Variants in GRM5 observed in about 807,000 individuals in gnomAD.
The protein encoded by GRM5 is glutamate metabotropic receptor 5.
In GRM5, 19 loss-of-function variants were observed where a neutral mutation model predicts 83.1. The observed-to-expected ratio is 0.23, with a 90% CI of 0.16 to 0.34. GRM5 has a LOEUF of 0.34. GRM5 is among the 10% of genes least tolerant of loss of function. GRM5 has a pLI of 1.00. For missense variants in GRM5, 1,160 were observed against 1,588.3 expected, an observed-to-expected ratio of 0.73 and a Z score of 4.58; for synonymous variants, 675 against 633.6, an observed-to-expected ratio of 1.07 and a Z score of -0.98.
At chr11:89,033,453 T>C (rs1941311878) in intron 2 of GRM5, among the ~76,000 whole-genome samples, 1 of 151,990 alleles carries the variant, frequency 6.6e-6, no homozygotes, top group South Asian at 2.1e-4. Flanking sequence ...TTGCCTATGA[T>C]TAGAAATTGT....
chr11:88,904,558 T>C (rs1945372131), intron 2 of GRM5, among the ~76,000 whole-genome samples: 1 of 152,188 alleles, frequency 6.6e-6, no homozygotes, highest in Non-Finnish European at 1.5e-5. Context: ...ACACTGGAAA[T>C]AGCTTTAGCT....
chr11:88,866,367 C>T (rs986905469), intron 2 of GRM5, among the ~76,000 whole-genome samples: 1 of 151,970 alleles, frequency 6.6e-6, no homozygotes, highest in African/African-American at 2.4e-5. Context: ...AACACATAGA[C>T]ACAGGGAGGG....
At chr11:88,711,418 G>C (rs990002910) in intron 3 of GRM5, among the ~76,000 whole-genome samples, 1 of 152,076 alleles carries the variant, frequency 6.6e-6, no homozygotes, top group Non-Finnish European at 1.5e-5. Flanking sequence ...TGGGTCTGGA[G>C]GAACAAATGA....
At chr11:88,963,747 G>A (rs1053326330) in intron 2 of GRM5, among the ~76,000 whole-genome samples, 11 of 152,058 alleles carry the variant, frequency 7.2e-5, no homozygotes, top group African/African-American at 1.2e-4. Flanking sequence ...ACTGTTTCAC[G>A]AAACGAATAT....
At chr11:88,833,885 A>T (rs1482674205) in intron 3 of GRM5, among the ~76,000 whole-genome samples, 1 of 152,158 alleles carries the variant, frequency 6.6e-6, no homozygotes, top group South Asian at 2.1e-4. Context: ...CAAATATTAC[A>T]TGTTCTCACT....
chr11:89,062,511 A>G (rs1401832553), intron 1 of GRM5, among the ~76,000 whole-genome samples: 1 of 152,258 alleles, frequency 6.6e-6, no homozygotes, highest in Non-Finnish European at 1.5e-5. Context: ...GAAGAAGGTG[A>G]AAAGGAGAAG....
intron 9 of GRM5, chr11:88,522,748 A>T (rs1941737375): frequency 6.6e-6 from 1 of 151,988 alleles, no homozygotes; most frequent in Non-Finnish European, 1.5e-5. Flanking sequence ...GAGGTGGATG[A>T]TCTAACACAA....
intron 3 of GRM5, among the ~76,000 whole-genome samples, chr11:88,669,270 G>A (rs1846444): frequency 0.19 from 28,239 of 151,916 alleles, 5,196 homozygotes; most frequent in African/African-American, 0.47. Context: ...TAAAGAAAAC[G>A]TGACAAATTC....
chr11:89,028,240 C>G (rs1257198287), intron 2 of GRM5, among the ~76,000 whole-genome samples: 1 of 152,144 alleles, frequency 6.6e-6, no homozygotes, highest in Non-Finnish European at 1.5e-5. Flanking sequence ...TAACTAACAT[C>G]CACGCAGCAC....
At chr11:88,599,418 C>A (rs1215979314) in intron 5 of GRM5, among the ~76,000 whole-genome samples, 1 of 152,152 alleles carries the variant, frequency 6.6e-6, no homozygotes, top group Non-Finnish European at 1.5e-5. Context: ...AAGATATTAT[C>A]ACTCACAGCT....
chr11:88,985,647 A>G (rs1415928648), intron 2 of GRM5, among the ~76,000 whole-genome samples: 1 of 152,196 alleles, frequency 6.6e-6, no homozygotes, highest in African/African-American at 2.4e-5. Flanking sequence ...GTTTTCAAAC[A>G]TGGCCAAGGA....
intron 3 of GRM5, among the ~76,000 whole-genome samples, chr11:88,815,889 A>G (rs11021434): frequency 0.025 from 3,753 of 152,084 alleles, 172 homozygotes; most frequent in African/African-American, 0.086. Flanking sequence ...AAAACGTCAC[A>G]AATCAGAGGC....
intron 9 of GRM5, among the ~76,000 whole-genome samples, chr11:88,519,417 G>C (rs1941616702): frequency 6.8e-6 from 1 of 147,958 alleles, no homozygotes; most frequent in Admixed American, 6.7e-5. Flanking sequence ...GAGTGCATGA[G>C]TTCGTATTTT....
chr11:88,570,820 G>C (rs1942983616), intron 7 of GRM5, among the ~76,000 whole-genome samples: 3 of 151,054 alleles, frequency 2.0e-5, no homozygotes, highest in African/African-American at 7.3e-5. Flanking sequence ...ACCTTCCTCG[G>C]CCTCTCAAAG....
At chr11:89,027,032 C>G (rs1202028514) in intron 2 of GRM5, among the ~76,000 whole-genome samples, 1 of 152,046 alleles carries the variant, frequency 6.6e-6, no homozygotes, top group African/African-American at 2.4e-5. Flanking sequence ...TTTGCCTTCT[C>G]TTTTATATTG....
At chr11:88,925,365 A>C (rs1051300524) in intron 2 of GRM5, among the ~76,000 whole-genome samples, 1 of 151,908 alleles carries the variant, frequency 6.6e-6, no homozygotes. Context: ...TTCATCTCCC[A>C]AAGTCCCACC....
chr11:89,055,489 G>A (rs1028068177), intron 1 of GRM5, among the ~76,000 whole-genome samples: 3 of 151,916 alleles, frequency 2.0e-5, no homozygotes, highest in Admixed American at 6.6e-5. Context: ...GATGTTTAAG[G>A]AAAATAGCAT....
At chr11:88,587,908 A>G (rs1943351937) in intron 7 of GRM5, among the ~76,000 whole-genome samples, 1 of 152,122 alleles carries the variant, frequency 6.6e-6, no homozygotes, top group African/African-American at 2.4e-5. Flanking sequence ...TCCTTTCCCT[A>G]TGTAAAACTT....
chr11:88,630,051 T>A (rs1480898545), intron 4 of GRM5, among the ~76,000 whole-genome samples: 1 of 152,176 alleles, frequency 6.6e-6, no homozygotes, highest in Non-Finnish European at 1.5e-5. Flanking sequence ...TTCCTGTGAT[T>A]TCCTTCTCCT....
Sources: allele counts gnomAD v4.1 joint callset (sites outside exome capture counted in the v4.1 genomes callset), GRCh38; gene constraint gnomAD v4.1.1; transcripts MANE v1.5; gene names NCBI Gene and HGNC (gene_info 2026-07-23, HGNC 2026-07-21).